The following PTPRZ1 variants were observed in gnomAD, a reference collection of about 807,000 sequenced individuals.
PTPRZ1 encodes the protein receptor-type tyrosine-protein phosphatase zeta.
A neutral mutation model predicts 214.1 loss-of-function variants in PTPRZ1; 82 were observed. The observed-to-expected ratio is 0.38, with a 90% confidence interval of 0.32 to 0.46. The LOEUF is 0.46. PTPRZ1 is among the 20% of genes least tolerant of loss of function. The probability of loss-of-function intolerance (pLI) is 1.00; values close to 1 mark genes in which losing one functional copy is unlikely to be tolerated. For missense variants in PTPRZ1, 2,603 were observed against 2,748.7 expected, an observed-to-expected ratio of 0.95 and a Z score of 1.19; for synonymous variants, 945 against 987.9, an observed-to-expected ratio of 0.96 and a Z score of 0.81.
At chr7:121,915,529 T>A (rs1795399652) in intron 1 of PTPRZ1, among the ~76,000 whole-genome samples, 3 of 152,182 alleles carry the variant, frequency 2.0e-5, no homozygotes, top group Admixed American at 1.3e-4. Context: ...TAAATTGTAT[T>A]TCAGCAGTCA....
intron 2 of PTPRZ1, among the ~76,000 whole-genome samples, chr7:121,962,428 A>G (rs1030344406): frequency 3.4e-5 from 5 of 147,178 alleles, no homozygotes; most frequent in African/African-American, 5.1e-5. Context: ...AGCCTGGGCA[A>G]TAGAGAGATG....
chr7:121,921,238 T>G (rs1314263940), intron 1 of PTPRZ1, among the ~76,000 whole-genome samples: 1 of 152,158 alleles, frequency 6.6e-6, no homozygotes, highest in Non-Finnish European at 1.5e-5. Context: ...TTATCAAGAT[T>G]AGCCTGTGAA....
chr7:121,921,454 T>G (rs1237969760), intron 1 of PTPRZ1, among the ~76,000 whole-genome samples: 2 of 152,134 alleles, frequency 1.3e-5, no homozygotes, highest in Admixed American at 1.3e-4. Context: ...CCTTTGTTCT[T>G]TTCCATTATC....
intron 10 of PTPRZ1, 150 bp downstream of exon 10, chr7:121,998,156 C>T (rs1798204146): frequency 1.3e-6 from 1 of 779,382 alleles, no homozygotes; most frequent in Non-Finnish European, 2.0e-6. Context: ...TTTTTTGGGG[C>T]ATGGGACCCA....
intron 23 of PTPRZ1, among the ~76,000 whole-genome samples, chr7:122,048,528 C>T (rs186177766): frequency 6.6e-6 from 1 of 152,086 alleles, no homozygotes; most frequent in African/African-American, 2.4e-5. Context: ...AGGTTAAATG[C>T]TTGAGGTGAT....
chr7:121,903,399 G>A (rs1795026515), intron 1 of PTPRZ1, among the ~76,000 whole-genome samples: 1 of 152,090 alleles, frequency 6.6e-6, no homozygotes, highest in Admixed American at 6.6e-5. Flanking sequence ...TGGGAGAGAT[G>A]CATTTTATTG....
At chr7:121,902,634 C>A (rs2116270095) in intron 1 of PTPRZ1, among the ~76,000 whole-genome samples, 1 of 152,016 alleles carries the variant, frequency 6.6e-6, no homozygotes, top group South Asian at 2.1e-4. Context: ...ATTTTTTTCA[C>A]TTACCTATCT....
intron 1 of PTPRZ1, among the ~76,000 whole-genome samples, chr7:121,882,916 C>A (rs1393171761): frequency 6.6e-6 from 1 of 152,178 alleles, no homozygotes; most frequent in African/African-American, 2.4e-5. Context: ...TTGTGCCATT[C>A]TCTGGAGTGA....
chr7:122,004,803 A>C (rs1337089378), intron 11 of PTPRZ1, 143 bp downstream of exon 11: 1 of 505,328 alleles, frequency 2.0e-6, no homozygotes, highest in African/African-American at 2.0e-5. Context: ...AGCTTTATAT[A>C]TAGATAGTCA....
chr7:121,888,264 T>C (rs896931534), intron 1 of PTPRZ1, among the ~76,000 whole-genome samples: 1 of 151,784 alleles, frequency 6.6e-6, no homozygotes, highest in Non-Finnish European at 1.5e-5. Context: ...TTCTCTTCTT[T>C]GGGCTGCTGA....
intron 12 of PTPRZ1, among the ~76,000 whole-genome samples, chr7:122,018,249 C>T (rs940772375): frequency 3.9e-5 from 6 of 152,138 alleles, no homozygotes; most frequent in Non-Finnish European, 7.4e-5. Context: ...CTGAACACAC[C>T]TCAAAGCAAA....
intron 2 of PTPRZ1, among the ~76,000 whole-genome samples, chr7:121,945,362 T>C (rs1221929809): frequency 1.3e-5 from 2 of 152,188 alleles, no homozygotes; most frequent in Non-Finnish European, 2.9e-5. Context: ...TCTGGAGATA[T>C]TCTAGAATTA....
At chr7:122,052,996 A>G (rs1426984649) in intron 25 of PTPRZ1, among the ~76,000 whole-genome samples, 2 of 152,134 alleles carry the variant, frequency 1.3e-5, no homozygotes, top group Non-Finnish European at 2.9e-5. Flanking sequence ...GAGCACCAAT[A>G]AGGGATTCAC....
intron 3 of PTPRZ1, among the ~76,000 whole-genome samples, chr7:121,970,907 G>T (rs984103988): frequency 2.0e-5 from 3 of 152,152 alleles, no homozygotes; most frequent in Non-Finnish European, 4.4e-5. Context: ...TATTGCCTAG[G>T]TTTTCTTCTA....
intron 1 of PTPRZ1, among the ~76,000 whole-genome samples, chr7:121,918,181 G>T (rs1266681464): frequency 6.6e-6 from 1 of 152,144 alleles, no homozygotes; most frequent in Non-Finnish European, 1.5e-5. Context: ...AACTTAACAT[G>T]ACCCGCACCT....
In PTPRZ1 at chr7:122,012,216, C is replaced by T. The variant is rs1257288366; in HGVS notation, c.3170C>T (p.Pro1057Leu). 6.2e-7 allele frequency: 1 copy of T among 1,613,860 alleles called. No homozygotes were observed. The highest frequency in any genetic ancestry group is 8.5e-7 in the Non-Finnish European group (1 of 1,179,804). The change falls in exon 12 of 30, where the codon CCT becomes CTT. Residue 1057 changes from proline (P) to leucine (L), a missense_variant. Coordinates refer to ENST00000393386, the MANE Select transcript of PTPRZ1 (RefSeq NM_002851.3). The stretch of plus-strand genomic sequence containing the variant: ...GGAAATGAGACTGAACTGCAAATTC[C>T]TTCTTTCAATGAGATGGTTTACCCT... Reference protein sequence around the residue: ...IYGNETELQIPSFNEMVYPSE... With the variant: ...IYGNETELQILSFNEMVYPSE...
chr7:122,061,186 G>C lies in PTPRZ1; in HGVS notation c.6914G>C (p.Gly2305Ala). 2 of 1,607,538 alleles carry C rather than the reference G, an allele frequency of 1.2e-6. No individual in the cohort carries two copies. The highest frequency in any genetic ancestry group is 1.7e-6 in the Non-Finnish European group (2 of 1,176,032). The change falls in exon 30 of 30, where the codon GGA (glycine) becomes GCA (alanine). Residue 2305 changes from glycine (G) to alanine (A), a missense_variant. Coordinates refer to ENST00000393386, the MANE Select transcript of PTPRZ1 (RefSeq NM_002851.3). ...LDSNGAALPD[G>A]NIAESLESLV ...AGTAATGGTGCAGCATTGCCTGATG[G>C]AAATATAGCTGAGAGCTTAGAGTCT... is the stretch of plus-strand genomic sequence containing the variant.
intron 1 of PTPRZ1, among the ~76,000 whole-genome samples, chr7:121,886,447 C>T (rs1794399638): frequency 6.8e-6 from 1 of 147,648 alleles, no homozygotes; most frequent in African/African-American, 2.5e-5. Context: ...CTGAAACATT[C>T]CACTCTATTA....
intron 1 of PTPRZ1, among the ~76,000 whole-genome samples, chr7:121,915,092 C>A (rs1795385482): frequency 6.6e-6 from 1 of 152,164 alleles, no homozygotes; most frequent in Non-Finnish European, 1.5e-5. Flanking sequence ...GTATACTGCA[C>A]ACATACTTCT....
Sources: allele counts gnomAD v4.1 joint callset (sites outside exome capture counted in the v4.1 genomes callset), GRCh38; gene constraint gnomAD v4.1.1; transcripts MANE v1.5; gene names NCBI Gene and HGNC (gene_info 2026-07-23, HGNC 2026-07-21).